The following HERC1 variants were observed in gnomAD, a reference collection of about 807,000 sequenced individuals.
The protein encoded by HERC1 is probable E3 ubiquitin-protein ligase HERC1.
HERC1 carries 160 observed loss-of-function variants against 554.3 expected under a neutral mutation model. The ratio of observed to expected loss-of-function variants is 0.29; its 90% CI spans 0.25 to 0.33. The LOEUF (loss-of-function observed/expected upper bound fraction) is 0.33, where lower values mean the gene tolerates loss of function less well. HERC1 is among the 10% of genes least tolerant of loss of function. The probability of loss-of-function intolerance (pLI) is 1.00; values close to 1 mark genes in which losing one functional copy is unlikely to be tolerated. For missense variants in HERC1, 4,919 were observed against 5,918.5 expected, an observed-to-expected ratio of 0.83 and a Z score of 5.54; for synonymous variants, 2,175 against 2,131.7, an observed-to-expected ratio of 1.02 and a Z score of -0.56.
chr15:63,731,754 A>T (rs2074304426), intron 14 of HERC1, among the ~76,000 whole-genome samples: 1 of 152,174 alleles, frequency 6.6e-6, no homozygotes, highest in Non-Finnish European at 1.5e-5. Context: ...TACACAAACA[A>T]TTCAAAGTTA....
intron 68 of HERC1, 33 bp downstream of exon 68, chr15:63,632,676 G>T: frequency 7.4e-7 from 1 of 1,344,520 alleles, no homozygotes; most frequent in Non-Finnish European, 1.0e-6. Context: ...ATAATGATGT[G>T]TACCCAAGCA....
rs2070327862 is a variant in HERC1 at position 63,660,962 on chromosome 15, A to G, written c.9223+11T>C. Reference sequence around the variant, plus strand: ...AACATGTAAAATAAAGAAGCTCTCAAAACAAACTACCTTCATACACACTGT... The same window carrying G: ...AACATGTAAAATAAAGAAGCTCTCAGAACAAACTACCTTCATACACACTGT... On this transcript the variant is annotated intron_variant, in intron 46 of 77. Coordinates refer to ENST00000443617, the MANE Select transcript of HERC1 (RefSeq NM_003922.4). The G allele has an allele frequency of 6.3e-7, 1 of 1,586,406 alleles. No individual in the cohort carries two copies. Among genetic ancestry groups the G allele is most frequent in the South Asian group, 1.1e-5 (1 of 90,182 alleles).
intron 1 of HERC1, among the ~76,000 whole-genome samples, chr15:63,806,640 G>A (rs1349594220): frequency 5.3e-5 from 8 of 152,192 alleles, no homozygotes; most frequent in Non-Finnish European, 1.0e-4. Flanking sequence ...TTGTAGAAGA[G>A]GAATTAATTC....
In HERC1 at chr15:63,785,193, G is replaced by A. The variant is rs1052698097; in HGVS notation, c.-26-9544C>T. Among the ~76,000 whole-genome samples the A allele has an allele frequency of 2.0e-5, 3 of 152,168 alleles. No individual in the cohort carries two copies. The South Asian group carries it at 6.2e-4, about 32-fold the overall frequency. On this transcript the variant is annotated intron_variant, in intron 1 of 77. Transcript: ENST00000443617. ...TAATCCCAACATTTTAAGAGGCCAA[G>A]GTGGGAGGAAGCTTTAGGCCAGGAG...
Position 63,680,059 on chromosome 15 carries a change from G to C in HERC1, c.6549+18C>G. The stretch of plus-strand genomic sequence containing the variant: ...AAAATAACAAATATTCTTAAATAAA[G>C]GTTTGAGACTTCATTACCTTTTCCC... On this transcript the variant is annotated intron_variant, in intron 36 of 77. Coordinates refer to ENST00000443617, the MANE Select transcript of HERC1 (RefSeq NM_003922.4). This position sits in a 1 kb window ranked among gnomAD's most constrained non-coding sequence, Gnocchi z 5.8. The C allele has an allele frequency of 1.3e-6, 2 of 1,505,232 alleles. No homozygotes were observed. Among genetic ancestry groups the C allele is most frequent in the South Asian group, 1.2e-5 (1 of 86,508 alleles). 93.2% of individuals were successfully genotyped at this position (1,505,232 alleles called of 1,614,324 possible).
intron 59 of HERC1, among the ~76,000 whole-genome samples, chr15:63,642,373 T>C (rs1353379556): frequency 6.6e-6 from 1 of 152,206 alleles, no homozygotes; most frequent in Non-Finnish European, 1.5e-5. Flanking sequence ...GCTCTCACTC[T>C]GTCACCCAGG....
At chr15:63,707,127 A>G (rs1567035959) in intron 24 of HERC1, among the ~76,000 whole-genome samples, 1 of 152,216 alleles carries the variant, frequency 6.6e-6, no homozygotes, top group Non-Finnish European at 1.5e-5. Flanking sequence ...TTTATCTTCC[A>G]GACACAGTAT....
chr15:63,748,779 AT>A (rs1270940912), intron 10 of HERC1, among the ~76,000 whole-genome samples: 1 of 152,204 alleles, frequency 6.6e-6, no homozygotes, highest in Non-Finnish European at 1.5e-5. Flanking sequence ...TAAGCTATAA[AT>A]TAGCCCATGT....
At position 63,678,355 on chromosome 15, in the gene HERC1, C is replaced by T; in HGVS notation, c.6560G>A (p.Cys2187Tyr). 1 of 1,591,692 alleles carries T rather than the reference C, an allele frequency of 6.3e-7. No homozygotes were observed. Among genetic ancestry groups the T allele is most frequent in the Non-Finnish European group, 8.5e-7 (1 of 1,170,662 alleles). The part of the protein sequence containing the change: ...SSNPGEKVKI[C>Y]DMQMRGTPRD... The stretch of plus-strand genomic sequence containing the variant: ...GGGTGTGCCACGCATCTGCATATCA[C>T]AAATTTTCACCTATATAAAAGTAAA... The change falls in exon 37 of 78, where the codon TGT (cysteine) becomes TAT (tyrosine). Residue 2187 changes from cysteine to tyrosine, a missense_variant. This residue lies in a region of HERC1 where 1,963 missense variants were observed against 2,228.6 expected (regional missense o/e 0.88). Transcript: ENST00000443617.
chr15:63,744,160 G>GTCTC (rs2074956966), intron 12 of HERC1, among the ~76,000 whole-genome samples: 2 of 38,982 alleles, frequency 5.1e-5, no homozygotes, highest in African/African-American at 1.5e-4. Flanking sequence ...GTGTGTGTGT[G>GTCTC]TGTGTCTCTC....
Position 63,630,543 on chromosome 15 carries a change from C to A in HERC1, c.12889G>T (p.Ala4297Ser). 2 of 1,614,038 alleles carry A rather than the reference C, an allele frequency of 1.2e-6. No individual in the cohort carries two copies. The highest frequency in any genetic ancestry group is 1.7e-6 in the Non-Finnish European group (2 of 1,179,890). The change falls in exon 69 of 78, where the codon GCA (alanine) becomes TCA (serine). Residue 4297 changes from alanine to serine, a missense_variant. Coordinates refer to ENST00000443617, the MANE Select transcript of HERC1 (RefSeq NM_003922.4). ...VLAGVIIEDVAVGAEHTLALA... is the reference protein window; with the variant it reads ...VLAGVIIEDVSVGAEHTLALA... The stretch of plus-strand genomic sequence containing the variant: ...GCAAGTGTGTGTTCAGCTCCAACTG[C>A]CACATCTTCTATGATTACTCCAGCC...
At chr15:63,827,904 T>C (rs965612640) in intron 1 of HERC1, among the ~76,000 whole-genome samples, 4 of 152,188 alleles carry the variant, frequency 2.6e-5, no homozygotes, top group African/African-American at 4.8e-5. Context: ...ACATATTATA[T>C]GATCCATTAA....
intron 1 of HERC1, among the ~76,000 whole-genome samples, chr15:63,794,906 A>C (rs1380166158): frequency 1.3e-5 from 2 of 152,018 alleles, no homozygotes; most frequent in Admixed American, 6.6e-5. Flanking sequence ...TCTCTACTAA[A>C]AATACAAAAA....
chr15:63,658,234 C>A lies in HERC1; in HGVS notation c.9599+310G>T, dbSNP rs552410751. On this transcript the variant is annotated intron_variant, in intron 48 of 77. Coordinates refer to ENST00000443617, the MANE Select transcript of HERC1 (RefSeq NM_003922.4). The stretch of plus-strand genomic sequence containing the variant: ...GACTTAGCTACACAGACGGTCAATA[C>A]ATTTTGACCTTTAGTTTTTGATCCA... Among the ~76,000 whole-genome samples, 6 of 152,294 alleles carry A rather than the reference C, an allele frequency of 3.9e-5. No individual in the cohort carries two copies. In the East Asian group the frequency reaches 1.2e-3, roughly 29 times the overall value.
chr15:63,830,447 G>C (rs1308918193), intron 1 of HERC1, among the ~76,000 whole-genome samples: 1 of 151,932 alleles, frequency 6.6e-6, no homozygotes, highest in African/African-American at 2.4e-5. Flanking sequence ...AAAAACTGAG[G>C]AACTGTCAGA....
At position 63,680,421 on chromosome 15, in the gene HERC1, G is replaced by T; in HGVS notation, c.6465+116C>A. Reference sequence around the variant, plus strand: ...ATGTTTTAAGAACCAGAAAGTATTAGAGAGAAAGGAGAGACGAGCAGATAA... The same window carrying T: ...ATGTTTTAAGAACCAGAAAGTATTATAGAGAAAGGAGAGACGAGCAGATAA... On this transcript the variant is annotated intron_variant, in intron 35 of 77. Coordinates refer to ENST00000443617, the MANE Select transcript of HERC1 (RefSeq NM_003922.4). The surrounding 1 kb of genome is among the most constrained non-coding windows in gnomAD (Gnocchi z 5.8). 1 of 1,109,992 alleles carries T rather than the reference G, an allele frequency of 9.0e-7. No homozygotes were observed. The highest frequency in any genetic ancestry group is 1.3e-6 in the Non-Finnish European group (1 of 796,194). 68.8% of individuals were successfully genotyped at this position (1,109,992 alleles called of 1,614,324 possible).
In HERC1 at chr15:63,643,713, A is replaced by G. The variant is rs115791239; in HGVS notation, c.11185-163T>C. Reference sequence around the variant, plus strand: ...GTAAGCTTGACTGAATCAGTAATAAAATATCAATCTGATTCCCTTTGTTGA... The same window carrying G: ...GTAAGCTTGACTGAATCAGTAATAAGATATCAATCTGATTCCCTTTGTTGA... On this transcript the variant is annotated intron_variant, in intron 57 of 77. Coordinates refer to ENST00000443617, the MANE Select transcript of HERC1 (RefSeq NM_003922.4). 0.034 allele frequency among the ~76,000 whole-genome samples: 5,224 copies of G among 152,280 alleles called. 273 individuals are homozygous for G. The highest frequency in any genetic ancestry group is 0.12 in the African/African-American group (4,778 of 41,534).
intron 1 of HERC1, among the ~76,000 whole-genome samples, chr15:63,827,110 TAC>T (rs1047671848): frequency 3.3e-5 from 5 of 152,100 alleles, no homozygotes; most frequent in African/African-American, 9.7e-5. Context: ...AAGAAACATC[TAC>T]ACAGTCAAGT....
intron 12 of HERC1, among the ~76,000 whole-genome samples, chr15:63,735,888 C>T (rs890882747): frequency 6.6e-6 from 1 of 152,154 alleles, no homozygotes; most frequent in Non-Finnish European, 1.5e-5. Context: ...TCTCAGAGTA[C>T]TCTACTCAAA....
Sources: allele counts gnomAD v4.1 joint callset (sites outside exome capture counted in the v4.1 genomes callset), GRCh38; gene constraint gnomAD v4.1.1; regional missense constraint gnomAD v4.1.1; non-coding constraint Gnocchi (gnomAD v3.1); transcripts MANE v1.5; gene names NCBI Gene and HGNC (gene_info 2026-07-23, HGNC 2026-07-21).